TENM2: variants seen among roughly 807,000 people sequenced by gnomAD.
TENM2 encodes the protein teneurin transmembrane protein 2.
Under a neutral mutation model 245.2 loss-of-function variants are expected in TENM2, and 52 were observed. The ratio of observed to expected loss-of-function variants is 0.21; its 90% CI spans 0.17 to 0.27. The LOEUF (loss-of-function observed/expected upper bound fraction) is 0.27, where lower values mean the gene tolerates loss of function less well. TENM2 is among the 10% of genes least tolerant of loss of function. TENM2 has a pLI of 1.00. For synonymous variants in TENM2, 1,363 were observed against 1,438.9 expected (o/e 0.95, Z 1.19); for missense variants, 3,046 against 3,666.8 (o/e 0.83, Z 4.37).
chr5:167,957,290 A>G (rs188549434), intron 4 of TENM2, among the ~76,000 whole-genome samples: 148 of 152,218 alleles, frequency 9.7e-4, no homozygotes, highest in African/African-American at 3.4e-3. Flanking sequence ...CTCTGATGGT[A>G]GTTTGTATTT....
chr5:167,848,910 C>T (rs55767954), intron 2 of TENM2, among the ~76,000 whole-genome samples: 69,612 of 151,902 alleles, frequency 0.46, 16,968 homozygotes, highest in Non-Finnish European at 0.55. Flanking sequence ...TTTTTGTTTG[C>T]TTTTTGTTTT....
At chr5:167,860,919 G>T (rs1771732597) in intron 2 of TENM2, among the ~76,000 whole-genome samples, 2 of 120,548 alleles carry the variant, frequency 1.7e-5, no homozygotes, top group Admixed American at 8.6e-5. Context: ...AGGCCGCAGG[G>T]TCCTCTGCCT....
intron 5 of TENM2, among the ~76,000 whole-genome samples, chr5:168,036,771 GTA>G (rs1787748462): frequency 7.0e-6 from 1 of 142,854 alleles, no homozygotes; most frequent in Admixed American, 7.2e-5. Context: ...ATATATATAC[GTA>G]TGTGTATATA....
chr5:167,264,666 G>C, the TENM2 span, among the ~76,000 whole-genome samples: 1 of 152,196 alleles, frequency 6.6e-6, no homozygotes, highest in Non-Finnish European at 1.5e-5. Flanking sequence ...ACTGAGTCAA[G>C]ATATTTTTAT....
chr5:167,808,764 C>T (rs982283239), intron 2 of TENM2, among the ~76,000 whole-genome samples: 2 of 152,058 alleles, frequency 1.3e-5, no homozygotes, highest in Admixed American at 6.6e-5. Flanking sequence ...GTCAATAATG[C>T]AAAACTTATA....
intron 4 of TENM2, among the ~76,000 whole-genome samples, chr5:167,954,964 A>G (rs1780434815): frequency 6.6e-6 from 1 of 151,962 alleles, no homozygotes; most frequent in East Asian, 1.9e-4. Flanking sequence ...ATGATTTATA[A>G]TCCTTTGGGT....
intron 2 of TENM2, among the ~76,000 whole-genome samples, chr5:167,511,377 G>T (rs898992246): frequency 2.0e-5 from 3 of 152,122 alleles, no homozygotes; most frequent in African/African-American, 7.2e-5. Context: ...AAATGGAGAT[G>T]CCAGGAACAC....
intron 7 of TENM2, among the ~76,000 whole-genome samples, chr5:168,073,185 A>G (rs1390617694): frequency 6.6e-6 from 1 of 152,224 alleles, no homozygotes; most frequent in Non-Finnish European, 1.5e-5. Flanking sequence ...TGTCATTTAC[A>G]TGATCTGTTC....
chr5:167,466,115 C>G (rs1766635472), intron 2 of TENM2, among the ~76,000 whole-genome samples: 1 of 152,182 alleles, frequency 6.6e-6, no homozygotes, highest in Non-Finnish European at 1.5e-5. Flanking sequence ...TCATTACAAT[C>G]TTCTTGAAGA....
chr5:167,824,931 C>CA (rs1767834278), intron 2 of TENM2, among the ~76,000 whole-genome samples: 1 of 152,172 alleles, frequency 6.6e-6, no homozygotes, highest in African/African-American at 2.4e-5. Flanking sequence ...TGCAAATAGT[C>CA]AACAGGCGCC....
At chr5:168,023,865 A>G (rs925817986) in intron 5 of TENM2, among the ~76,000 whole-genome samples, 6 of 152,258 alleles carry the variant, frequency 3.9e-5, no homozygotes, top group African/African-American at 1.2e-4. Context: ...AGGGATTTTA[A>G]GAGAAGACCA....
intron 12 of TENM2, among the ~76,000 whole-genome samples, chr5:168,144,147 C>A (rs929719937): frequency 6.6e-6 from 1 of 152,022 alleles, no homozygotes; most frequent in African/African-American, 2.4e-5. Context: ...GCGCGAGCCA[C>A]TGCGCCCAGC....
chr5:167,626,120 G>A (rs1778485000), intron 2 of TENM2, among the ~76,000 whole-genome samples: 1 of 152,136 alleles, frequency 6.6e-6, no homozygotes, highest in African/African-American at 2.4e-5. Context: ...CCTTTGGAAG[G>A]AGGAAGTGCC....
intron 2 of TENM2, among the ~76,000 whole-genome samples, chr5:167,532,106 C>T (rs1235218254): frequency 1.3e-5 from 2 of 152,076 alleles, no homozygotes; most frequent in Non-Finnish European, 2.9e-5. Context: ...CCTGTTAATA[C>T]CCTCCCCATT....
chr5:167,243,837 A>C, the TENM2 span, among the ~76,000 whole-genome samples: 1 of 152,164 alleles, frequency 6.6e-6, no homozygotes, highest in African/African-American at 2.4e-5. Context: ...TCCTTCACAA[A>C]GTATCTCTGC....
chr5:167,340,909 C>T, intron 1 of TENM2, among the ~76,000 whole-genome samples: 1 of 152,048 alleles, frequency 6.6e-6, no homozygotes, highest in East Asian at 1.9e-4. Flanking sequence ...ACTTATTTCA[C>T]CAGGATTCTA....
intron 1 of TENM2, among the ~76,000 whole-genome samples, chr5:167,373,483 C>T (rs1760562481): frequency 6.6e-6 from 1 of 152,108 alleles, no homozygotes; most frequent in African/African-American, 2.4e-5. Flanking sequence ...CAGAGAAGTA[C>T]ATTTCTTCAC....
At chr5:168,054,668 C>T (rs1365289088) in intron 6 of TENM2, among the ~76,000 whole-genome samples, 1 of 152,192 alleles carries the variant, frequency 6.6e-6, no homozygotes, top group Non-Finnish European at 1.5e-5. Flanking sequence ...GCAACATTTT[C>T]TGAAATGATT....
At chr5:167,445,143 G>A (rs560132509) in intron 2 of TENM2, among the ~76,000 whole-genome samples, 159 of 151,964 alleles carry the variant, frequency 1.0e-3, no homozygotes, top group African/African-American at 3.7e-3. Flanking sequence ...GTATCCAAAA[G>A]CATCTTTTGA....
Sources: gnomAD v4.1 joint callset for allele counts (sites outside exome capture counted in the v4.1 genomes callset) on GRCh38, gnomAD v4.1.1 for gene constraint, MANE v1.5 for transcripts, NCBI Gene and HGNC (gene_info 2026-07-23, HGNC 2026-07-21) for gene names.